Variants in ZNF333 observed in about 807,000 individuals in gnomAD.
ZNF333 encodes zinc finger protein 333.
In ZNF333, 61 loss-of-function variants were observed where a neutral mutation model predicts 76.1. That is an observed-to-expected ratio of 0.80 (90% CI 0.65 to 0.99). The LOEUF (loss-of-function observed/expected upper bound fraction) is 0.99, where lower values mean the gene tolerates loss of function less well. Ranked by LOEUF, ZNF333 falls within the 50% of genes least tolerant of loss-of-function variation. The pLI is 0.00. For missense variants in ZNF333, 717 were observed against 822.4 expected, an observed-to-expected ratio of 0.87 and a Z score of 1.57; for synonymous variants, 284 against 305.0, an observed-to-expected ratio of 0.93 and a Z score of 0.72.
rs1568558913 is a variant in ZNF333 at position 14,719,219 on chromosome 19, C to T, written c.1892C>T (p.Ser631Phe). ...NQCEKAFRHSSSLTVHKRTHV... is the reference protein window; with the variant it reads ...NQCEKAFRHSFSLTVHKRTHV... ...TGTGAGAAAGCCTTCAGGCACAGCT[C>T]CTCACTCACTGTACACAAAAGAACC... The change falls in exon 12 of 12, where the codon TCC becomes TTC. Residue 631 changes from serine to phenylalanine, a missense_variant. Ser to Phe is a radical substitution (Grantham distance 155). Coordinates refer to ENST00000292530, the MANE Select transcript of ZNF333 (RefSeq NM_032433.4). The T allele has an allele frequency of 6.2e-7, 1 of 1,614,238 alleles. No homozygotes were observed. The highest frequency in any genetic ancestry group is 1.1e-5 in the South Asian group (1 of 91,086).
At chr19:14,726,629 C>T (rs994470428), downstream of ZNF333, among the ~76,000 whole-genome samples, 5 of 152,174 alleles carry the variant, frequency 3.3e-5, no homozygotes, top group African/African-American at 1.2e-4. Flanking sequence ...AGAAATTTCT[C>T]CCACCAGACA....
intron 5 of ZNF333, among the ~76,000 whole-genome samples, chr19:14,704,714 G>A (rs976772001): frequency 6.6e-5 from 10 of 152,102 alleles, no homozygotes; most frequent in Admixed American, 1.3e-4. Context: ...TCATTATCAC[G>A]AGAACAATCA....
intron 5 of ZNF333, among the ~76,000 whole-genome samples, chr19:14,703,281 G>A (rs989172989): frequency 3.3e-5 from 5 of 151,132 alleles, no homozygotes; most frequent in African/African-American, 1.2e-4. Flanking sequence ...GGGGGTAACT[G>A]CCTCCATGAT....
chr19:14,701,729 C>T (rs913493847), intron 5 of ZNF333: 2 of 985,436 alleles, frequency 2.0e-6, no homozygotes, highest in Admixed American at 6.1e-5. Context: ...CAAGCCCCTC[C>T]ATAATGGGTG....
At chr19:14,717,182 C>A in intron 10 of ZNF333, 93 bp downstream of exon 10, 1 of 1,014,282 alleles carries the variant, frequency 9.9e-7, no homozygotes, top group Non-Finnish European at 1.4e-6. Flanking sequence ...CTATTCATAC[C>A]TTTGACTGAG....
intron 6 of ZNF333, chr19:14,706,273 ACCACAT>A: frequency 4.7e-6 from 2 of 425,744 alleles, no homozygotes; most frequent in Non-Finnish European, 9.5e-6. Context: ...CAGAGAAGAG[ACCACAT>A]CCTACTCCAA....
intron 7 of ZNF333, 57 bp from the exon 8 acceptor site, chr19:14,715,324 TG>T (rs1326678950): frequency 3.9e-6 from 6 of 1,531,598 alleles, no homozygotes; most frequent in African/African-American, 2.7e-5. Context: ...ACTTGGGGCC[TG>T]TGAGTGTGCC....
chr19:14,697,338 A>G (rs1223990700), intron 4 of ZNF333, among the ~76,000 whole-genome samples: 6 of 150,108 alleles, frequency 4.0e-5, no homozygotes, highest in Admixed American at 2.0e-4. Context: ...GTTTGTGTAC[A>G]ATATTTCTTT....
chr19:14,723,440 G>C (rs1426632779), downstream of ZNF333, among the ~76,000 whole-genome samples: 1 of 152,100 alleles, frequency 6.6e-6, no homozygotes, highest in East Asian at 1.9e-4. Flanking sequence ...GTTTTAGGAT[G>C]GATATTTTTC....
intron 10 of ZNF333, chr19:14,717,368 T>G: frequency 1.8e-6 from 1 of 542,942 alleles, no homozygotes; most frequent in Non-Finnish European, 3.3e-6. Flanking sequence ...ACATTCTTGC[T>G]AATATTTTTC....
chr19:14,693,015 T>G (rs1467015173), intron 1 of ZNF333, among the ~76,000 whole-genome samples: 1 of 151,962 alleles, frequency 6.6e-6, no homozygotes. Flanking sequence ...TTAGTAGAGA[T>G]GGGGTTTCAC....
Position 14,721,452 on chromosome 19 carries a change from T to A in ZNF333, c.*2127T>A, listed in dbSNP as rs1133719. Reference sequence around the variant, plus strand: ...GAAATTTCCCTTGGGCCCCACCTCATCCTCAAAGGTTATCACTATTCTGAT... The same window carrying A: ...GAAATTTCCCTTGGGCCCCACCTCAACCTCAAAGGTTATCACTATTCTGAT... On this transcript the variant is annotated 3_prime_UTR_variant, in exon 12 of 12. Transcript: ENST00000292530. 2.0e-5 allele frequency: 3 copies of A among 152,136 alleles called. No individual in the cohort carries two copies. The highest frequency in any genetic ancestry group is 7.2e-5 in the African/African-American group (3 of 41,426). 9.4% of individuals were successfully genotyped at this position (152,136 alleles called of 1,614,324 possible).
At chr19:14,726,289 C>A (rs1168085477), downstream of ZNF333, among the ~76,000 whole-genome samples, 1 of 152,158 alleles carries the variant, frequency 6.6e-6, no homozygotes, top group East Asian at 1.9e-4. Flanking sequence ...ATTCTTTTCT[C>A]CTAGGCTTCT....
intron 4 of ZNF333, among the ~76,000 whole-genome samples, chr19:14,698,557 TAAAG>T (rs1973397583): frequency 7.1e-6 from 1 of 141,812 alleles, no homozygotes; most frequent in Non-Finnish European, 1.5e-5. Context: ...AAATAAAAAG[TAAAG>T]AAAACATGTG....
chr19:14,718,864 A>G lies in ZNF333; in HGVS notation c.1537A>G (p.Lys513Glu), dbSNP rs1430276791. Residue 513 changes from lysine (K) to glutamate (E), a missense_variant, in exon 12 of 12, where the codon AAG becomes GAG. Lys to Glu is a moderately conservative substitution (Grantham distance 56, BLOSUM62 1). Transcript: ENST00000292530. Reference sequence around the variant, plus strand: ...ACCATATGAATGCAACCAGTGTGGCAAGCCCTTCCGGACGAGCACTCATCT... The same window carrying G: ...ACCATATGAATGCAACCAGTGTGGCGAGCCCTTCCGGACGAGCACTCATCT... Reference protein sequence around the residue: ...EKPYECNQCGKPFRTSTHLNV... With the variant: ...EKPYECNQCGEPFRTSTHLNV... The G allele has an allele frequency of 1.9e-6, 3 of 1,614,218 alleles. No homozygotes were observed. Among genetic ancestry groups the G allele is most frequent in the Middle Eastern group, 3.3e-4 (2 of 6,062 alleles).
At chr19:14,698,893 AATATAGATAT>A (rs1181747487) in intron 4 of ZNF333, among the ~76,000 whole-genome samples, 41 of 113,110 alleles carry the variant, frequency 3.6e-4, no homozygotes, top group South Asian at 3.0e-3. Flanking sequence ...CACACACACA[AATATAGATAT>A]ATATATATAT....
At chr19:14,716,057 C>T (rs2042420174) in intron 8 of ZNF333, 55 bp from the exon 9 acceptor site, 2 of 1,607,580 alleles carry the variant, frequency 1.2e-6, no homozygotes, top group Non-Finnish European at 8.5e-7. Flanking sequence ...CCAGCATCCT[C>T]TGGCGTACTG....
intron 4 of ZNF333, among the ~76,000 whole-genome samples, chr19:14,698,570 T>TA (rs1973398930): frequency 6.7e-6 from 1 of 149,842 alleles, no homozygotes; most frequent in Non-Finnish European, 1.5e-5. Flanking sequence ...AGAAAACATG[T>TA]GGCTCATGCC....
chr19:14,703,416 A>G (rs1381613880), intron 5 of ZNF333, among the ~76,000 whole-genome samples: 3 of 152,228 alleles, frequency 2.0e-5, no homozygotes, highest in Non-Finnish European at 2.9e-5. Context: ...TTCGACAAAT[A>G]GGCAGAACGC....
Sources: allele counts gnomAD v4.1 joint callset (sites outside exome capture counted in the v4.1 genomes callset), GRCh38; gene constraint gnomAD v4.1.1; transcripts MANE v1.5; gene names NCBI Gene and HGNC (gene_info 2026-07-23, HGNC 2026-07-21).